The following SPAG16 variants were observed in gnomAD, a reference collection of about 807,000 sequenced individuals.
SPAG16 encodes the protein sperm associated antigen 16.
Under a neutral mutation model 80.4 loss-of-function variants are expected in SPAG16, and 86 were observed. That is an observed-to-expected ratio of 1.07 (90% CI 0.90 to 1.28). The LOEUF is 1.28. SPAG16 is among the 50% of genes most tolerant of loss of function. The probability of loss-of-function intolerance (pLI) is 0.00; values close to 1 mark genes in which losing one functional copy is unlikely to be tolerated. For synonymous variants in SPAG16, 294 were observed against 265.9 expected (o/e 1.11, Z -1.03); for missense variants, 870 against 765.3 (o/e 1.14, Z -1.61).
chr2:213,529,662 T>G (rs1304115631), intron 10 of SPAG16, among the ~76,000 whole-genome samples: 6 of 152,212 alleles, frequency 3.9e-5, no homozygotes, highest in African/African-American at 1.4e-4. Flanking sequence ...AGTATGTTAC[T>G]AAAATAAATA....
chr2:214,306,679 C>T (rs1694936434), intron 15 of SPAG16, among the ~76,000 whole-genome samples: 1 of 151,754 alleles, frequency 6.6e-6, no homozygotes, highest in Non-Finnish European at 1.5e-5. Context: ...ATCACAGTTT[C>T]TTAATTTGTG....
rs1272900620 is a variant in SPAG16, at chr2:213,383,822, C to T, written c.942+8703C>T. ...TAAATAGTGATGTTCTATAATATTTCTAGAGAGTACAGTTCCCTTCAGACT... is the reference window on the plus strand; with the variant it reads ...TAAATAGTGATGTTCTATAATATTTTTAGAGAGTACAGTTCCCTTCAGACT... On this transcript the variant is annotated intron_variant, in intron 9 of 15. Coordinates refer to ENST00000331683, the MANE Select transcript of SPAG16 (RefSeq NM_024532.5). Among the ~76,000 whole-genome samples, 3 of 152,140 alleles carry T rather than the reference C, an allele frequency of 2.0e-5. No individual in the cohort carries two copies. In the East Asian group the frequency reaches 5.8e-4, roughly 29 times the overall value.
intron 9 of SPAG16, among the ~76,000 whole-genome samples, chr2:213,469,570 G>GTC (rs1553539028): frequency 7.6e-5 from 6 of 79,270 alleles, no homozygotes; most frequent in African/African-American, 2.6e-4. Flanking sequence ...ACCTCAGCAG[G>GTC]TTTTTTTTTT....
intron 15 of SPAG16, among the ~76,000 whole-genome samples, chr2:214,167,064 A>T (rs2056685091): frequency 6.6e-6 from 1 of 152,198 alleles, no homozygotes; most frequent in Non-Finnish European, 1.5e-5. Flanking sequence ...GAAAGTTAGC[A>T]TTTATACCTA....
At chr2:213,345,923 C>T (rs2064956369) in intron 6 of SPAG16, among the ~76,000 whole-genome samples, 1 of 152,256 alleles carries the variant, frequency 6.6e-6, no homozygotes, top group Non-Finnish European at 1.5e-5. Context: ...TGAAGAAAGT[C>T]ATGGGTAGCC....
intron 15 of SPAG16, among the ~76,000 whole-genome samples, chr2:214,405,072 A>T (rs923926039): frequency 2.0e-5 from 3 of 152,156 alleles, no homozygotes; most frequent in Non-Finnish European, 4.4e-5. Context: ...GAATTCAGTG[A>T]TATTCATAAA....
chr2:213,727,121 G>T (rs943034475), intron 10 of SPAG16, among the ~76,000 whole-genome samples: 23 of 152,056 alleles, frequency 1.5e-4, no homozygotes, highest in African/African-American at 5.3e-4. Context: ...AAGTACATGT[G>T]TTTACCAGAC....
chr2:214,216,807 G>T (rs141663405), intron 15 of SPAG16, among the ~76,000 whole-genome samples: 93 of 152,260 alleles, frequency 6.1e-4, no homozygotes, highest in African/African-American at 2.2e-3. Flanking sequence ...AATTTTCAAT[G>T]TTCTGAACAT....
chr2:213,405,420 A>G (rs1246556656), intron 9 of SPAG16, among the ~76,000 whole-genome samples: 1 of 152,196 alleles, frequency 6.6e-6, no homozygotes, highest in Non-Finnish European at 1.5e-5. Context: ...TGTAATGATC[A>G]AATCTGGGTA....
chr2:213,702,304 C>A (rs549094729), intron 10 of SPAG16, among the ~76,000 whole-genome samples: 10 of 152,218 alleles, frequency 6.6e-5, no homozygotes, highest in Admixed American at 6.5e-4. Flanking sequence ...CCCGAGCCAG[C>A]TGCGGCAACC....
intron 6 of SPAG16, among the ~76,000 whole-genome samples, chr2:213,349,065 CAG>C (rs1477777174): frequency 6.6e-6 from 1 of 152,100 alleles, no homozygotes; most frequent in East Asian, 1.9e-4. Context: ...TTAAAAATCT[CAG>C]GGGATTTCTC....
At chr2:213,513,621 T>C (rs1203289113) in intron 10 of SPAG16, among the ~76,000 whole-genome samples, 1 of 152,154 alleles carries the variant, frequency 6.6e-6, no homozygotes, top group Non-Finnish European at 1.5e-5. Flanking sequence ...GATGGGAGTT[T>C]TATGGCCAGC....
chr2:214,014,823 T>C (rs2047503215), intron 13 of SPAG16, among the ~76,000 whole-genome samples: 1 of 152,170 alleles, frequency 6.6e-6, no homozygotes, highest in African/African-American at 2.4e-5. Flanking sequence ...GGATTTACCT[T>C]GTCAACTGAA....
chr2:213,566,385 C>T (rs1398094193), intron 10 of SPAG16, among the ~76,000 whole-genome samples: 1 of 152,076 alleles, frequency 6.6e-6, no homozygotes, highest in Non-Finnish European at 1.5e-5. Context: ...AACCATTTAT[C>T]CCTTGTCTAA....
chr2:214,196,957 G>C (rs2057857411), intron 15 of SPAG16, among the ~76,000 whole-genome samples: 1 of 151,808 alleles, frequency 6.6e-6, no homozygotes, highest in South Asian at 2.1e-4. Flanking sequence ...GTGGAGGGAA[G>C]ACCACTTGAT....
chr2:214,304,838 C>T (rs1694804717), intron 15 of SPAG16, among the ~76,000 whole-genome samples: 1 of 148,732 alleles, frequency 6.7e-6, no homozygotes, highest in Non-Finnish European at 1.5e-5. Flanking sequence ...AATGAACATA[C>T]ATGTGCATGT....
chr2:214,022,390 G>T (rs547653102), intron 13 of SPAG16, among the ~76,000 whole-genome samples: 68 of 152,172 alleles, frequency 4.5e-4, no homozygotes, highest in Middle Eastern at 3.4e-3. Flanking sequence ...GTGTGTCCTT[G>T]GGCATATTGT....
In SPAG16 at chr2:214,039,454, T is replaced by C. The variant is rs535398484; in HGVS notation, c.1527+25377T>C. ...CAAAAGCCAAGATTGACAAATGGGA[T>C]CTAATTAAACTAAAGAGCTTCTGCA... On this transcript the variant is annotated intron_variant, in intron 13 of 15. Coordinates refer to ENST00000331683, the MANE Select transcript of SPAG16 (RefSeq NM_024532.5). 7.9e-4 allele frequency among the ~76,000 whole-genome samples: 120 copies of C among 152,248 alleles called. 2 individuals carry two copies. Among genetic ancestry groups the C allele is most frequent in the Non-Finnish European group, 3.1e-4 (21 of 68,006 alleles).
At chr2:213,919,652 G>A (rs2078120667) in intron 11 of SPAG16, among the ~76,000 whole-genome samples, 1 of 152,218 alleles carries the variant, frequency 6.6e-6, no homozygotes, top group Non-Finnish European at 1.5e-5. Flanking sequence ...TGTGATGCAA[G>A]AGAGTAGTTG....
Sources: gnomAD v4.1 joint callset for allele counts (sites outside exome capture counted in the v4.1 genomes callset) on GRCh38, gnomAD v4.1.1 for gene constraint, MANE v1.5 for transcripts, NCBI Gene and HGNC (gene_info 2026-07-23, HGNC 2026-07-21) for gene names.